The following BBX variants were observed in gnomAD, a reference collection of about 807,000 sequenced individuals.
The protein encoded by BBX is BBX high mobility group box domain containing.
Under a neutral mutation model 100.2 loss-of-function variants are expected in BBX, and 30 were observed. The observed-to-expected ratio is 0.30, with a 90% CI of 0.22 to 0.41. The LOEUF is 0.41. Ranked by LOEUF, BBX falls within the 10% of genes least tolerant of loss-of-function variation. The pLI, the probability that BBX is intolerant of heterozygous loss-of-function variation, is 1.00. For missense variants in BBX, 1,023 were observed against 1,129.8 expected (o/e 0.91, Z 1.35); for synonymous variants, 376 against 388.1 (o/e 0.97, Z 0.37).
At chr3:107,676,962 G>A (rs905743702) in intron 3 of BBX, among the ~76,000 whole-genome samples, 4 of 152,004 alleles carry the variant, frequency 2.6e-5, no homozygotes, top group Admixed American at 1.3e-4. Context: ...TGACTAGAGG[G>A]TATAATTGGA....
intron 3 of BBX, among the ~76,000 whole-genome samples, chr3:107,682,002 C>T (rs567577470): frequency 1.3e-5 from 2 of 152,144 alleles, no homozygotes; most frequent in Non-Finnish European, 2.9e-5. Context: ...AAATCACACA[C>T]ATTCAACGTG....
chr3:107,684,731 G>A (rs2059752444), intron 3 of BBX: 1 of 152,172 alleles, frequency 6.6e-6, no homozygotes, highest in Non-Finnish European at 1.5e-5. Context: ...GCCTTTGTAA[G>A]ATCAAAGATA....
intron 2 of BBX, among the ~76,000 whole-genome samples, chr3:107,630,464 TTGGACTTA>T (rs1275863812): frequency 6.6e-6 from 1 of 152,148 alleles, no homozygotes; most frequent in Admixed American, 6.5e-5. Context: ...CTAAACTATT[TTGGACTTA>T]CATTTCTGGG....
At chr3:107,754,845 G>A (rs537238988) in intron 9 of BBX, among the ~76,000 whole-genome samples, 1 of 152,294 alleles carries the variant, frequency 6.6e-6, no homozygotes, top group Admixed American at 6.5e-5. Flanking sequence ...GTCCTTCTCA[G>A]CTCTTATTGA....
chr3:107,755,485 A>G (rs2065402036), intron 9 of BBX, 113 bp from the exon 10 acceptor site: 9 of 853,166 alleles, frequency 1.1e-5, no homozygotes, highest in South Asian at 4.5e-5. Flanking sequence ...TACTTGGTAC[A>G]TGGGAGCAAT....
At chr3:107,774,633 T>A (rs540176174) in intron 11 of BBX, 86 bp from the exon 12 acceptor site, 7 of 1,413,654 alleles carry the variant, frequency 5.0e-6, no homozygotes, top group East Asian at 2.3e-5. Context: ...ATGCAAGCAG[T>A]CAAGAGGTTG....
intron 2 of BBX, among the ~76,000 whole-genome samples, chr3:107,608,735 T>C (rs192880542): frequency 6.6e-6 from 1 of 152,320 alleles, no homozygotes; most frequent in Non-Finnish European, 1.5e-5. Flanking sequence ...CTTTTTGATT[T>C]CTTTTACCAA....
intron 8 of BBX, among the ~76,000 whole-genome samples, chr3:107,747,013 C>T (rs913371067): frequency 2.6e-5 from 4 of 152,040 alleles, no homozygotes; most frequent in African/African-American, 9.7e-5. Flanking sequence ...CCACTTTTAC[C>T]CTGTATTATA....
intron 7 of BBX, among the ~76,000 whole-genome samples, chr3:107,735,698 A>G (rs997956452): frequency 6.6e-6 from 1 of 152,032 alleles, no homozygotes; most frequent in African/African-American, 2.4e-5. Flanking sequence ...TTAAAAGCCT[A>G]TACTGCTTCC....
intron 5 of BBX, among the ~76,000 whole-genome samples, chr3:107,727,125 T>C (rs564284454): frequency 1.3e-5 from 2 of 152,268 alleles, no homozygotes; most frequent in South Asian, 4.1e-4. Flanking sequence ...ATTTTATTTC[T>C]CATGACAAAT....
At chr3:107,619,536 A>T (rs1195359375) in intron 2 of BBX, among the ~76,000 whole-genome samples, 3 of 147,852 alleles carry the variant, frequency 2.0e-5, no homozygotes, top group Non-Finnish European at 4.5e-5. Flanking sequence ...TTTGTTTACC[A>T]TTTTTTTTTT....
chr3:107,631,578 A>G (rs1366843905), intron 2 of BBX, among the ~76,000 whole-genome samples: 1 of 152,018 alleles, frequency 6.6e-6, no homozygotes, highest in African/African-American at 2.4e-5. Flanking sequence ...AATCTAATTA[A>G]CTTCAGACAG....
intron 3 of BBX, among the ~76,000 whole-genome samples, chr3:107,648,588 A>G (rs1412080430): frequency 6.6e-6 from 1 of 152,160 alleles, no homozygotes; most frequent in Non-Finnish European, 1.5e-5. Context: ...ACCTTTGTCT[A>G]CTTAAGTTCA....
intron 3 of BBX, among the ~76,000 whole-genome samples, chr3:107,649,110 G>C (rs1472262025): frequency 6.6e-6 from 1 of 152,156 alleles, no homozygotes; most frequent in Non-Finnish European, 1.5e-5. Context: ...GCACGTGCAC[G>C]GGGACTCCCC....
rs2057610651 is a variant in BBX, at chr3:107,647,810, C to T, written c.-10+1901C>T. On this transcript the variant is annotated intron_variant, in intron 3 of 17. Transcript: ENST00000325805. ...TTCATGTCCCTGATTAGTCTCCTGC[C>T]ACTCCGCTCCGTGTCCTCTTCATTC... is the stretch of plus-strand genomic sequence containing the variant. 7.2e-5 allele frequency among the ~76,000 whole-genome samples: 11 copies of T among 152,118 alleles called. No individual in the cohort carries two copies. The South Asian group carries it at 2.3e-3, about 32-fold the overall frequency.
rs1308870762 is a variant in BBX, at chr3:107,565,437, G to GTTTTA, written c.-84+39048_-84+39052dup. The stretch of plus-strand genomic sequence containing the variant: ...ATTTATTTCACTACTATTAACAATA[G>GTTTTA]TTTTATTTTATTTATTTATTTATTT... On this transcript the variant is annotated intron_variant, in intron 2 of 17. Transcript: ENST00000325805. Among the ~76,000 whole-genome samples the GTTTTA allele has an allele frequency of 2.5e-3, 301 of 118,098 alleles. 2 individuals carry two copies. Among genetic ancestry groups the GTTTTA allele is most frequent in the African/African-American group, 8.3e-3 (265 of 32,068 alleles). The allele number at this position is 118,098 out of a possible 152,430, so 77.5% of individuals were successfully genotyped here.
chr3:107,724,493 C>T (rs1484939791), intron 5 of BBX, among the ~76,000 whole-genome samples: 1 of 152,106 alleles, frequency 6.6e-6, no homozygotes, highest in East Asian at 1.9e-4. Flanking sequence ...ATGCCTATGT[C>T]CTGAATGCTA....
chr3:107,628,999 T>C (rs2056381489), intron 2 of BBX, among the ~76,000 whole-genome samples: 1 of 152,198 alleles, frequency 6.6e-6, no homozygotes, highest in African/African-American at 2.4e-5. Flanking sequence ...TTCTTTGTAA[T>C]TGTGAAGTGT....
chr3:107,664,508 A>AG (rs1209956653), intron 3 of BBX, among the ~76,000 whole-genome samples: 2 of 152,166 alleles, frequency 1.3e-5, no homozygotes, highest in African/African-American at 4.8e-5. Flanking sequence ...TCTTAACAAA[A>AG]ACCCTGATGA....
Sources: allele counts gnomAD v4.1 joint callset (sites outside exome capture counted in the v4.1 genomes callset), GRCh38; gene constraint gnomAD v4.1.1; transcripts MANE v1.5; gene names NCBI Gene and HGNC (gene_info 2026-07-23, HGNC 2026-07-21).